FOXN3: variants seen among roughly 807,000 people sequenced by gnomAD.
FOXN3 encodes forkhead box N3, also known as forkhead box protein N3.
Under a neutral mutation model 38.4 loss-of-function variants are expected in FOXN3, and 7 were observed. The ratio of observed to expected loss-of-function variants is 0.18; its 90% CI spans 0.10 to 0.34. FOXN3 has a LOEUF of 0.34. Ranked by LOEUF, FOXN3 falls within the 10% of genes least tolerant of loss-of-function variation. The pLI, the probability that FOXN3 is intolerant of heterozygous loss-of-function variation, is 1.00. For synonymous variants in FOXN3, 230 were observed against 242.2 expected (o/e 0.95, Z 0.47); for missense variants, 456 against 613.4 (o/e 0.74, Z 2.71).
intron 3 of FOXN3, among the ~76,000 whole-genome samples, chr14:89,311,125 G>T (rs1596173536): frequency 7.2e-6 from 1 of 137,996 alleles, no homozygotes. Context: ...AAAAAAACCT[G>T]ACATCTTTTA....
intron 3 of FOXN3, among the ~76,000 whole-genome samples, chr14:89,316,742 T>C (rs1887730659): frequency 6.6e-6 from 1 of 151,610 alleles, no homozygotes. Context: ...CTTGGCTCAC[T>C]GCAACCTCCA....
At chr14:89,394,640 C>T (rs1566638886) in intron 2 of FOXN3, among the ~76,000 whole-genome samples, 1 of 152,230 alleles carries the variant, frequency 6.6e-6, no homozygotes, top group Non-Finnish European at 1.5e-5. Context: ...CAATGCTCAA[C>T]GTGGACATGC....
In FOXN3 at chr14:89,277,865, G is replaced by A. The variant is rs138084651; in HGVS notation, c.745+3085C>T. 2.5e-3 allele frequency among the ~76,000 whole-genome samples: 385 copies of A among 152,154 alleles called. 2 individuals carry two copies. Among genetic ancestry groups the A allele is most frequent in the African/African-American group, 8.3e-3 (343 of 41,514 alleles). On this transcript the variant is annotated intron_variant, in intron 4 of 5. Transcript: ENST00000557258. Reference sequence around the variant, plus strand: ...GGTGTCTATGAAGTGCTCAGGTTCCGCGCTGTTGCTATGGTCTCTGTGAAG... The same window carrying A: ...GGTGTCTATGAAGTGCTCAGGTTCCACGCTGTTGCTATGGTCTCTGTGAAG...
At chr14:89,446,337 C>T (rs542703018) in intron 1 of FOXN3, among the ~76,000 whole-genome samples, 2 of 151,398 alleles carry the variant, frequency 1.3e-5, no homozygotes, top group African/African-American at 4.9e-5. Flanking sequence ...TACAGGCATG[C>T]GCCACCACGC....
rs1491128520 is a variant in FOXN3, at chr14:89,161,597, G to GTGTGTGTGTGTGCA, written c.*816_*817insTGCACACACACACA. ...TGTGTGTGTGTGTGTGTGTGTGTGT[G>GTGTGTGTGTGTGCA]CGTGCGTGCACAGGGCCAATCTTCA... On this transcript the variant is annotated 3_prime_UTR_variant, in exon 6 of 6. Transcript: ENST00000557258. The GTGTGTGTGTGTGCA allele has an allele frequency of 1.1e-5, 1 of 90,380 alleles. No individual in the cohort carries two copies. Among genetic ancestry groups the GTGTGTGTGTGTGCA allele is most frequent in the Admixed American group, 1.2e-4 (1 of 8,212 alleles). The allele number at this position is 90,380 out of a possible 1,614,324, so 5.6% of individuals were successfully genotyped here.
chr14:89,571,064 C>T (rs1895478744), intron 1 of FOXN3, among the ~76,000 whole-genome samples: 1 of 152,196 alleles, frequency 6.6e-6, no homozygotes, highest in African/African-American at 2.4e-5. Context: ...CACTCAAAGA[C>T]TGTCCCCTCA....
intron 5 of FOXN3, among the ~76,000 whole-genome samples, chr14:89,175,313 T>C (rs1486953921): frequency 1.3e-5 from 2 of 152,210 alleles, no homozygotes; most frequent in African/African-American, 2.4e-5. Flanking sequence ...TAGGGTGATC[T>C]AGACTTGTAG....
chr14:89,270,640 C>T (rs991595967), intron 4 of FOXN3, among the ~76,000 whole-genome samples: 2 of 152,170 alleles, frequency 1.3e-5, no homozygotes, highest in African/African-American at 2.4e-5. Flanking sequence ...ATACTTCTCT[C>T]CTAGTTATGC....
At chr14:89,596,081 T>C (rs1375642340) in intron 1 of FOXN3, among the ~76,000 whole-genome samples, 1 of 152,190 alleles carries the variant, frequency 6.6e-6, no homozygotes, top group Non-Finnish European at 1.5e-5. Flanking sequence ...AATTTATTGC[T>C]AGATTCATAC....
At chr14:89,414,754 T>C (rs964422993) in intron 1 of FOXN3, among the ~76,000 whole-genome samples, 3 of 152,042 alleles carry the variant, frequency 2.0e-5, no homozygotes, top group Non-Finnish European at 2.9e-5. Context: ...GGTTTCACCA[T>C]GTTGGCCAGG....
At chr14:89,352,583 C>T (rs535122699) in intron 2 of FOXN3, among the ~76,000 whole-genome samples, 1 of 152,314 alleles carries the variant, frequency 6.6e-6, no homozygotes, top group Admixed American at 6.5e-5. Flanking sequence ...TTTCTGATCC[C>T]TTGCACCCAA....
At chr14:89,189,181 G>C (rs1887882781) in intron 4 of FOXN3, among the ~76,000 whole-genome samples, 1 of 152,160 alleles carries the variant, frequency 6.6e-6, no homozygotes, top group Non-Finnish European at 1.5e-5. Flanking sequence ...AAGTTGTCAG[G>C]AAGGCTGGGA....
At chr14:89,176,154 A>C (rs1887513315) in intron 5 of FOXN3, among the ~76,000 whole-genome samples, 1 of 152,216 alleles carries the variant, frequency 6.6e-6, no homozygotes, top group South Asian at 2.1e-4. Flanking sequence ...CCAATCTTGG[A>C]GGTTATTGAG....
intron 3 of FOXN3, among the ~76,000 whole-genome samples, chr14:89,301,022 C>T (rs1887201978): frequency 6.6e-6 from 1 of 151,852 alleles, no homozygotes; most frequent in African/African-American, 2.4e-5. Flanking sequence ...AGGCTGGTTT[C>T]AAACTCTTGA....
At chr14:89,554,761 T>G (rs997653529) in intron 1 of FOXN3, among the ~76,000 whole-genome samples, 1 of 148,254 alleles carries the variant, frequency 6.7e-6, no homozygotes, top group Non-Finnish European at 1.5e-5. Flanking sequence ...TCAGATATAA[T>G]CTATGTAAAT....
intron 2 of FOXN3, among the ~76,000 whole-genome samples, chr14:89,375,925 T>C (rs1356230965): frequency 1.3e-5 from 2 of 151,934 alleles, no homozygotes; most frequent in Non-Finnish European, 2.9e-5. Context: ...AGATTACAGG[T>C]GCCTGCCACC....
intron 4 of FOXN3, among the ~76,000 whole-genome samples, chr14:89,191,167 T>A (rs1204365428): frequency 6.6e-6 from 1 of 152,196 alleles, no homozygotes; most frequent in Non-Finnish European, 1.5e-5. Context: ...GATGGCAGGT[T>A]ATATAGAGAC....
chr14:89,190,486 C>A (rs189791924), intron 4 of FOXN3: 10 of 1,558,614 alleles, frequency 6.4e-6, no homozygotes, highest in Middle Eastern at 1.7e-4. Flanking sequence ...TTATTTACAA[C>A]GGGGCCGGTG....
At chr14:89,354,817 T>C (rs1889140156) in intron 2 of FOXN3, among the ~76,000 whole-genome samples, 1 of 151,842 alleles carries the variant, frequency 6.6e-6, no homozygotes, top group Non-Finnish European at 1.5e-5. Flanking sequence ...ATCGTGCCAT[T>C]GCACTCCAGC....
Sources: gnomAD v4.1 joint callset for allele counts (sites outside exome capture counted in the v4.1 genomes callset) on GRCh38, gnomAD v4.1.1 for gene constraint, MANE v1.5 for transcripts, NCBI Gene and HGNC (gene_info 2026-07-23, HGNC 2026-07-21) for gene names.